Variants in BRSK1 observed in about 807,000 individuals in gnomAD.
The protein encoded by BRSK1 is BR serine/threonine kinase 1.
Under a neutral mutation model 86.2 loss-of-function variants are expected in BRSK1, and 17 were observed. The observed-to-expected ratio is 0.20, with a 90% CI of 0.14 to 0.30. The LOEUF (loss-of-function observed/expected upper bound fraction) is 0.30, where lower values mean the gene tolerates loss of function less well. BRSK1 is among the 10% of genes least tolerant of loss of function. The probability of loss-of-function intolerance (pLI) is 1.00; values close to 1 mark genes in which losing one functional copy is unlikely to be tolerated. For synonymous variants in BRSK1, 464 were observed against 440.1 expected (o/e 1.05, Z -0.68); for missense variants, 719 against 1,071.9 (o/e 0.67, Z 4.60).
intron 18 of BRSK1, among the ~76,000 whole-genome samples, chr19:55,311,646 C>T (rs1464263830): frequency 6.6e-6 from 1 of 152,184 alleles, no homozygotes; most frequent in Non-Finnish European, 1.5e-5. Context: ...CCCAGGCCCC[C>T]TTGGACTAAC....
chr19:55,311,102 C>T lies in BRSK1; in HGVS notation c.2180-809C>T, dbSNP rs967724326. ...TCAGCCTGTCGAGTAGCTGGGATTA[C>T]AGGTGCGTGCCACCACACCCGGCTA... On this transcript the variant is annotated intron_variant, in intron 18 of 18. Coordinates refer to ENST00000309383, the MANE Select transcript of BRSK1 (RefSeq NM_032430.2). 2.0e-5 allele frequency among the ~76,000 whole-genome samples: 3 copies of T among 152,216 alleles called. 1 individual carries two copies. Among genetic ancestry groups the T allele is most frequent in the South Asian group, 4.2e-4 (2 of 4,816 alleles).
intron 3 of BRSK1, 60 bp from the exon 4 acceptor site, chr19:55,289,420 C>G (rs73053155): frequency 6.5e-7 from 1 of 1,548,880 alleles, no homozygotes; most frequent in African/African-American, 1.4e-5. Context: ...AAGTGGGAGA[C>G]CAGGCCCTTT....
intron 17 of BRSK1, 56 bp from the exon 18 acceptor site, chr19:55,308,583 G>A (rs901780881): frequency 1.5e-5 from 20 of 1,368,220 alleles, no homozygotes; most frequent in Admixed American, 1.0e-4. Context: ...AGGCTGGGAC[G>A]GCCTTCCCGG....
At chr19:55,289,661 C>T in intron 4 of BRSK1, 41 bp downstream of exon 4, 1 of 1,604,990 alleles carries the variant, frequency 6.2e-7, no homozygotes, top group African/African-American at 1.3e-5. Flanking sequence ...CTGAGGGCTG[C>T]CCAGCAGACA....
At chr19:55,292,881 G>A (rs761604318) in intron 4 of BRSK1, among the ~76,000 whole-genome samples, 3 of 151,128 alleles carry the variant, frequency 2.0e-5, no homozygotes, top group Non-Finnish European at 2.9e-5. Context: ...GGTGATGCAC[G>A]CCTGTGGCTC....
At chr19:55,298,756 G>A (rs1243263361) in intron 7 of BRSK1, among the ~76,000 whole-genome samples, 1 of 152,112 alleles carries the variant, frequency 6.6e-6, no homozygotes, top group Non-Finnish European at 1.5e-5. Flanking sequence ...TGTTGTTGGT[G>A]GCAATTTCGT....
In BRSK1 at chr19:55,294,420, G is replaced by T. The variant is rs1192053018; in HGVS notation, c.678+23G>T. ...GTGGTAAGGCGCCCTCACCTCTCCT[G>T]TCATTTCTAGATCAATCCCACCTGG... On this transcript the variant is annotated intron_variant, in intron 7 of 18. Coordinates refer to ENST00000309383, the MANE Select transcript of BRSK1 (RefSeq NM_032430.2). This position sits in a 1 kb window ranked among gnomAD's most constrained non-coding sequence, Gnocchi z 4.9. 18 of 1,612,102 alleles carry T rather than the reference G, an allele frequency of 1.1e-5. No individual in the cohort carries two copies. Among genetic ancestry groups the T allele is most frequent in the Non-Finnish European group, 1.5e-5 (18 of 1,179,252 alleles).
At chr19:55,298,894 A>G (rs911034312) in intron 7 of BRSK1, among the ~76,000 whole-genome samples, 7 of 152,190 alleles carry the variant, frequency 4.6e-5, no homozygotes, top group African/African-American at 1.7e-4. Flanking sequence ...AATGACTTGT[A>G]GTGCTGCTGG....
In BRSK1 at chr19:55,303,978, A is replaced by C. The variant is rs2088609194; in HGVS notation, c.1287-72A>C. 1 of 1,543,418 alleles carries C rather than the reference A, an allele frequency of 6.5e-7. No homozygotes were observed. Among genetic ancestry groups the C allele is most frequent in the Non-Finnish European group, 8.8e-7 (1 of 1,142,678 alleles). Reference sequence around the variant, plus strand: ...TTTCCTCACCTGGAAGGACTGTAGAAGTGAGGGAACATCTGTGGTTTTTGA... The same window carrying C: ...TTTCCTCACCTGGAAGGACTGTAGACGTGAGGGAACATCTGTGGTTTTTGA... On this transcript the variant is annotated intron_variant, in intron 12 of 18. Transcript: ENST00000309383. The surrounding 1 kb of genome is among the most constrained non-coding windows in gnomAD (Gnocchi z 5.1).
At position 55,304,204 on chromosome 19, in the gene BRSK1, C is replaced by A; in HGVS notation, c.1347+94C>A. 3 of 1,292,908 alleles carry A rather than the reference C, an allele frequency of 2.3e-6. No homozygotes were observed. Among genetic ancestry groups the A allele is most frequent in the South Asian group, 1.4e-5 (1 of 73,948 alleles). The allele number at this position is 1,292,908 out of a possible 1,614,324, so 80.1% of individuals were successfully genotyped here. A position where few individuals can be genotyped will look rare whatever the true frequency, so the allele number is the denominator to read the frequency against. Reference sequence around the variant, plus strand: ...GCAGAAACTACAATTCCTGTGCAGTCTTGAGACTTGCTTCTTTGTCCCTGG... The same window carrying A: ...GCAGAAACTACAATTCCTGTGCAGTATTGAGACTTGCTTCTTTGTCCCTGG... On this transcript the variant is annotated intron_variant, in intron 13 of 18. Coordinates refer to ENST00000309383, the MANE Select transcript of BRSK1 (RefSeq NM_032430.2). This position sits in a 1 kb window ranked among gnomAD's most constrained non-coding sequence, Gnocchi z 5.2.
intron 18 of BRSK1, 35 bp from the exon 19 acceptor site, chr19:55,311,876 G>A (rs942588509): frequency 1.2e-6 from 2 of 1,606,344 alleles, no homozygotes; most frequent in Non-Finnish European, 1.7e-6. Context: ...ACCCTGGGCT[G>A]CGGAACCCAC....
rs1311734078 is a variant in BRSK1 at position 55,284,054 on chromosome 19, G to A, written c.-389G>A. 31 of 1,215,432 alleles carry A rather than the reference G, an allele frequency of 2.6e-5. No individual in the cohort carries two copies. Among genetic ancestry groups the A allele is most frequent in the Non-Finnish European group, 3.1e-5 (30 of 972,906 alleles). The allele number at this position is 1,215,432 out of a possible 1,614,324, so 75.3% of individuals were successfully genotyped here. A position where few individuals can be genotyped will look rare whatever the true frequency, so the allele number is the denominator to read the frequency against. On this transcript the variant is annotated 5_prime_UTR_variant, in exon 1 of 19. Transcript: ENST00000309383. ...ACGAGGTGGCGGGGGGAGGCGGAGA[G>A]GAGGAGGAGGCGGAGGAGAGAGGGC...
chr19:55,305,635 TCCCAGC>T, intron 16 of BRSK1, 49 bp downstream of exon 16: 1 of 1,612,080 alleles, frequency 6.2e-7, no homozygotes, highest in Non-Finnish European at 8.5e-7. Context: ...GAACTACAAG[TCCCAGC>T]AGCCCCTGGG....
chr19:55,298,234 T>C (rs1027985980), intron 7 of BRSK1, among the ~76,000 whole-genome samples: 2 of 115,956 alleles, frequency 1.7e-5, no homozygotes, highest in African/African-American at 6.6e-5. Context: ...TTTTTTTTTT[T>C]TGAGATGAAG....
intron 7 of BRSK1, among the ~76,000 whole-genome samples, chr19:55,300,445 G>A (rs1458171175): frequency 6.6e-6 from 1 of 152,226 alleles, no homozygotes; most frequent in Non-Finnish European, 1.5e-5. Flanking sequence ...GCTCACACCT[G>A]TAATCCCAGC....
In BRSK1 at chr19:55,308,801, G is replaced by A. The variant is rs1192621495; in HGVS notation, c.2179+73G>A. 56 of 275,202 alleles carry A rather than the reference G, an allele frequency of 2.0e-4. 1 individual carries two copies. The highest frequency in any genetic ancestry group is 1.6e-3 in the African/African-American group (52 of 32,980). The allele number at this position is 275,202 out of a possible 1,614,324, so 17.0% of individuals were successfully genotyped here. ...GTGGGTGGCGGGGGGCGTGGGTGGC[G>A]GGGGGCGTGGGTGGCGGGGGGCGTG... On this transcript the variant is annotated intron_variant, in intron 18 of 18. Transcript: ENST00000309383.
Position 55,312,097 on chromosome 19 carries a change from C to CCT in BRSK1, c.*30_*31insTC. The stretch of plus-strand genomic sequence containing the variant: ...CACGGGGCCGGGGAGGGAGGGGACC[C>CCT]CCCTCCACCCCCCTTCCGTGCCCCC... On this transcript the variant is annotated 3_prime_UTR_variant, in exon 19 of 19. Coordinates refer to ENST00000309383, the MANE Select transcript of BRSK1 (RefSeq NM_032430.2). The CCT allele has an allele frequency of 1.9e-6, 2 of 1,060,688 alleles. No individual in the cohort carries two copies. The highest frequency in any genetic ancestry group is 2.6e-6 in the Non-Finnish European group (2 of 759,812). 65.7% of individuals were successfully genotyped at this position (1,060,688 alleles called of 1,614,324 possible).
chr19:55,299,546 C>T lies in BRSK1; in HGVS notation c.679-1966C>T, dbSNP rs552340710. 4.6e-3 allele frequency among the ~76,000 whole-genome samples: 701 copies of T among 151,884 alleles called. 3 individuals are homozygous for T. Among genetic ancestry groups the T allele is most frequent in the African/African-American group, 0.015 (603 of 41,414 alleles). On this transcript the variant is annotated intron_variant, in intron 7 of 18. Coordinates refer to ENST00000309383, the MANE Select transcript of BRSK1 (RefSeq NM_032430.2). The stretch of plus-strand genomic sequence containing the variant: ...GATTACAGGCGCCCGCCACTTTGCC[C>T]GGCTAAATTTTGTATTTTTAGTAGA...
Position 55,284,463 on chromosome 19 carries a change from G to A in BRSK1, c.21G>A (p.Glu7=), listed in dbSNP as rs1433597149. Residue 7 remains glutamate, a synonymous_variant, in exon 1 of 19, where the codon GAG becomes GAA. Transcript: ENST00000309383. ...GCACCATGTCGTCCGGGGCCAAGGA[G>A]GGAGGTGGGGGCTCTCCCGCCTACC... MSSGAK[E]GGGGSPAYHL... 5.3e-6 allele frequency: 7 copies of A among 1,310,524 alleles called. No homozygotes were observed. Among genetic ancestry groups the A allele is most frequent in the Non-Finnish European group, 6.9e-6 (7 of 1,008,264 alleles). 81.2% of individuals were successfully genotyped at this position (1,310,524 alleles called of 1,614,324 possible).
Sources: allele counts gnomAD v4.1 joint callset (sites outside exome capture counted in the v4.1 genomes callset), GRCh38; gene constraint gnomAD v4.1.1; non-coding constraint Gnocchi (gnomAD v3.1); transcripts MANE v1.5; gene names NCBI Gene and HGNC (gene_info 2026-07-23, HGNC 2026-07-21).